Variants in CCDC149 observed in about 807,000 individuals in gnomAD.
CCDC149 encodes the protein coiled-coil domain-containing protein 149.
In CCDC149, 45 loss-of-function variants were observed where a neutral mutation model predicts 59.9. The ratio of observed to expected loss-of-function variants is 0.75; its 90% CI spans 0.59 to 0.96. The LOEUF is 0.96. CCDC149 is among the 40% of genes least tolerant of loss of function. CCDC149 has a pLI of 0.00. For synonymous variants in CCDC149, 245 were observed against 260.6 expected (o/e 0.94, Z 0.58); for missense variants, 584 against 664.7 (o/e 0.88, Z 1.33).
intron 3 of CCDC149, among the ~76,000 whole-genome samples, chr4:24,866,823 C>CCACACACA (rs3066470): frequency 1.4e-5 from 2 of 142,176 alleles, no homozygotes; most frequent in South Asian, 4.5e-4. Context: ...ACACACACAC[C>CCACACACA]CACACACACA....
intron 1 of CCDC149, among the ~76,000 whole-genome samples, chr4:24,884,732 T>C (rs1560236709): frequency 6.6e-6 from 1 of 152,240 alleles, no homozygotes; most frequent in African/African-American, 2.4e-5. Context: ...TAAATGAAGA[T>C]ATTTACAGCA....
intron 1 of CCDC149, among the ~76,000 whole-genome samples, chr4:24,973,222 A>G (rs1724035749): frequency 6.6e-6 from 1 of 152,156 alleles, no homozygotes; most frequent in South Asian, 2.1e-4. Flanking sequence ...TCCCTAACAC[A>G]TATAAAAACC....
chr4:24,805,776 C>A (rs747968517), downstream of CCDC149, among the ~76,000 whole-genome samples: 18 of 152,228 alleles, frequency 1.2e-4, no homozygotes, highest in Non-Finnish European at 2.5e-4. Flanking sequence ...AACACACACA[C>A]ACACGTATGT....
intron 1 of CCDC149, among the ~76,000 whole-genome samples, chr4:24,962,497 G>A (rs910050598): frequency 5.3e-5 from 8 of 152,052 alleles, no homozygotes; most frequent in East Asian, 3.9e-4. Context: ...CGGACTATCC[G>A]CTATACCTGG....
chr4:24,826,630 C>T (rs1049458529), intron 9 of CCDC149, among the ~76,000 whole-genome samples: 2 of 152,144 alleles, frequency 1.3e-5, no homozygotes, highest in African/African-American at 4.8e-5. Flanking sequence ...GACAATGTGC[C>T]ACCTTGGAAG....
intron 4 of CCDC149, among the ~76,000 whole-genome samples, chr4:24,850,353 A>G (rs770956563): frequency 1.3e-5 from 2 of 152,204 alleles, no homozygotes; most frequent in Non-Finnish European, 2.9e-5. Flanking sequence ...GCAAGTGAGA[A>G]GCAGAGGGGC....
At chr4:24,904,774 T>C (rs1721375137) in intron 1 of CCDC149, among the ~76,000 whole-genome samples, 1 of 152,248 alleles carries the variant, frequency 6.6e-6, no homozygotes, top group South Asian at 2.1e-4. Flanking sequence ...CCATTTACAG[T>C]TCCCTAATGA....
chr4:24,913,196 C>G (rs111298743), upstream of CCDC149, among the ~76,000 whole-genome samples: 11,757 of 152,148 alleles, frequency 0.077, 543 homozygotes, highest in Middle Eastern at 0.11. Context: ...AAGCCAGGGT[C>G]TCAGCCTACA....
chr4:24,912,054 T>C (rs1283366665), intron 1 of CCDC149, among the ~76,000 whole-genome samples: 2 of 152,212 alleles, frequency 1.3e-5, no homozygotes, highest in South Asian at 2.1e-4. Context: ...GAAATCCGCA[T>C]TCCCTCTCAC....
chr4:24,839,982 C>T (rs1218807545), intron 4 of CCDC149, among the ~76,000 whole-genome samples: 17 of 152,084 alleles, frequency 1.1e-4, no homozygotes, highest in Admixed American at 9.2e-4. Context: ...TTAAGGGATT[C>T]GTTGCCAGTC....
At chr4:24,831,451 G>A (rs1298915439) in intron 9 of CCDC149, 55 bp downstream of exon 9, 1 of 1,589,036 alleles carries the variant, frequency 6.3e-7, no homozygotes, top group Non-Finnish European at 8.6e-7. Flanking sequence ...ACTTCTGGTA[G>A]CCTCGTCCCA....
At position 24,837,440 on chromosome 4, in the gene CCDC149, A is replaced by G; in HGVS notation, c.490-40T>C. 1 of 1,603,518 alleles carries G rather than the reference A, an allele frequency of 6.2e-7. No individual in the cohort carries two copies. Among genetic ancestry groups the G allele is most frequent in the South Asian group, 1.1e-5 (1 of 89,956 alleles). On this transcript the variant is annotated intron_variant, in intron 5 of 12. Transcript: ENST00000635206. The surrounding 1 kb of genome is among the most constrained non-coding windows in gnomAD (Gnocchi z 4.3). ...AGAGCCCTTACTCAAGATGTTCCTC[A>G]GGCTCCAGCTTTATGGCCAGAGATG...
intron 1 of CCDC149, among the ~76,000 whole-genome samples, chr4:24,881,912 G>A (rs1398057977): frequency 2.6e-5 from 4 of 152,164 alleles, no homozygotes; most frequent in African/African-American, 4.8e-5. Context: ...GGATTGCGAA[G>A]CCAGAATTGG....
chr4:24,914,258 T>C (rs954009433), upstream of CCDC149, among the ~76,000 whole-genome samples: 13 of 152,062 alleles, frequency 8.5e-5, no homozygotes, highest in Admixed American at 4.6e-4. Flanking sequence ...TTGCACATGA[T>C]AGACTGTTTG....
intron 12 of CCDC149, among the ~76,000 whole-genome samples, chr4:24,818,884 G>A (rs781171813): frequency 8.5e-5 from 13 of 152,164 alleles, no homozygotes; most frequent in African/African-American, 1.2e-4. Context: ...ACGGTTACAC[G>A]GGGGCATGAA....
At chr4:24,835,096 C>T (rs866125201) in intron 7 of CCDC149, 64 bp from the exon 8 acceptor site, 2 of 1,109,318 alleles carry the variant, frequency 1.8e-6, no homozygotes, top group South Asian at 1.3e-5. Flanking sequence ...AAGTACCTAG[C>T]AGATGCCTTC....
chr4:24,835,412 A>G (rs1014663342), intron 7 of CCDC149, among the ~76,000 whole-genome samples: 19 of 152,318 alleles, frequency 1.2e-4, no homozygotes, highest in African/African-American at 3.6e-4. Flanking sequence ...CCATGCACCA[A>G]TGGTGATTTC....
intron 3 of CCDC149, among the ~76,000 whole-genome samples, chr4:24,870,256 T>G (rs150023497): frequency 6.6e-6 from 1 of 152,376 alleles, no homozygotes; most frequent in African/African-American, 2.4e-5. Flanking sequence ...AATTCAAATG[T>G]ACCGGGTGCC....
intron 9 of CCDC149, among the ~76,000 whole-genome samples, chr4:24,825,511 C>T (rs533123669): frequency 3.3e-5 from 5 of 152,104 alleles, no homozygotes; most frequent in Admixed American, 6.5e-5. Flanking sequence ...TGGGGGTTCA[C>T]GCCTGTAATC....
Sources: gnomAD v4.1 joint callset for allele counts (sites outside exome capture counted in the v4.1 genomes callset) on GRCh38, gnomAD v4.1.1 for gene constraint, Gnocchi (gnomAD v3.1) non-coding constraint, MANE v1.5 for transcripts, NCBI Gene and HGNC (gene_info 2026-07-23, HGNC 2026-07-21) for gene names.